The following RARB variants were observed in gnomAD, a reference collection of about 807,000 sequenced individuals.
RARB encodes HBV-activated protein.
In RARB, 17 loss-of-function variants were observed where a neutral mutation model predicts 51.9. The observed-to-expected ratio is 0.33, with a 90% CI of 0.22 to 0.49. The LOEUF is 0.49. Ranked by LOEUF, RARB falls within the 20% of genes least tolerant of loss-of-function variation. The pLI is 0.99. For missense variants in RARB, 369 were observed against 550.8 expected, an observed-to-expected ratio of 0.67 and a Z score of 3.30; for synonymous variants, 215 against 195.4, an observed-to-expected ratio of 1.10 and a Z score of -0.84.
At chr3:25,381,683 C>T (rs1410790948) in intron 5 of RARB, among the ~76,000 whole-genome samples, 2 of 152,126 alleles carry the variant, frequency 1.3e-5, no homozygotes, top group Non-Finnish European at 2.9e-5. Flanking sequence ...GGTCCTAAAG[C>T]CACAATTCTC....
intron 5 of RARB, among the ~76,000 whole-genome samples, chr3:25,332,906 T>G (rs574117238): frequency 1.3e-5 from 2 of 152,292 alleles, no homozygotes; most frequent in African/African-American, 4.8e-5. Context: ...AGCCAAATCA[T>G]GAGTGAACCT....
At chr3:25,241,958 T>A (rs1012340144) in intron 5 of RARB, among the ~76,000 whole-genome samples, 1 of 152,184 alleles carries the variant, frequency 6.6e-6, no homozygotes, top group African/African-American at 2.4e-5. Flanking sequence ...TTTCTCCACA[T>A]CCTCTCCAGC....
intron 5 of RARB, among the ~76,000 whole-genome samples, chr3:25,373,518 A>G (rs920556070): frequency 6.6e-6 from 1 of 152,166 alleles, no homozygotes; most frequent in Non-Finnish European, 1.5e-5. Context: ...AGAATAAACA[A>G]TCTTATTAGT....
At chr3:25,448,393 G>C (rs1709043606) in intron 1 of RARB, among the ~76,000 whole-genome samples, 1 of 146,366 alleles carries the variant, frequency 6.8e-6, no homozygotes, top group Non-Finnish European at 1.5e-5. Context: ...TCACTGCTCT[G>C]AAGGAAAAAA....
intron 2 of RARB, among the ~76,000 whole-genome samples, chr3:24,933,056 G>T (rs1047471786): frequency 3.3e-5 from 5 of 151,878 alleles, no homozygotes; most frequent in Non-Finnish European, 7.4e-5. Context: ...ATGTATAGCT[G>T]TATTTTCATA....
chr3:24,973,313 T>C (rs945138724), intron 2 of RARB, among the ~76,000 whole-genome samples: 21 of 152,088 alleles, frequency 1.4e-4, no homozygotes, highest in African/African-American at 5.1e-4. Flanking sequence ...CTGGATTCTC[T>C]ATTCTGTTCC....
chr3:24,920,104 A>G (rs560974253), intron 2 of RARB, among the ~76,000 whole-genome samples: 1 of 152,372 alleles, frequency 6.6e-6, no homozygotes, highest in African/African-American at 2.4e-5. Flanking sequence ...TTAGTTTTCA[A>G]TAACATTAAC....
At chr3:25,125,046 A>G (rs62230299) in intron 3 of RARB, among the ~76,000 whole-genome samples, 19,711 of 152,266 alleles carry the variant, frequency 0.13, 1,660 homozygotes, top group Non-Finnish European at 0.2. Context: ...TACTAGTAAC[A>G]AAAATCAGAA....
chr3:24,970,321 C>A lies in RARB; in HGVS notation c.-379-89804C>A, dbSNP rs142323095. On this transcript the variant is annotated intron_variant, in intron 2 of 11. Coordinates refer to the RARB transcript ENST00000383772. ...GTATAGCTGTTTGTAGTGGTGAGAA[C>A]TGAAACCACCACGAGTATTTCAGCT... Among the ~76,000 whole-genome samples, 94 of 152,106 alleles carry A rather than the reference C, an allele frequency of 6.2e-4. 1 individual carries two copies. The highest frequency in any genetic ancestry group is 3.4e-3 in the Middle Eastern group (1 of 292).
At chr3:25,085,892 A>T (rs1044596995) in intron 3 of RARB, among the ~76,000 whole-genome samples, 14 of 152,050 alleles carry the variant, frequency 9.2e-5, no homozygotes, top group African/African-American at 3.4e-4. Flanking sequence ...AATAGACCAA[A>T]ATATGTAATG....
chr3:25,311,254 A>G (rs1052406355), intron 5 of RARB, among the ~76,000 whole-genome samples: 1 of 152,226 alleles, frequency 6.6e-6, no homozygotes, highest in African/African-American at 2.4e-5. Context: ...GTATTTGTGA[A>G]AACAGAATGG....
intron 5 of RARB, among the ~76,000 whole-genome samples, chr3:25,422,133 G>C (rs1479443891): frequency 6.6e-6 from 1 of 152,176 alleles, no homozygotes; most frequent in African/African-American, 2.4e-5. Flanking sequence ...CCGACTAACA[G>C]TTTCTGTTCA....
chr3:25,471,585 C>T (rs1299947621), intron 2 of RARB, among the ~76,000 whole-genome samples: 7 of 140,864 alleles, frequency 5.0e-5, no homozygotes, highest in South Asian at 2.4e-4. Flanking sequence ...TGAATTAGCC[C>T]GCAACTCTGC....
intron 2 of RARB, among the ~76,000 whole-genome samples, chr3:24,871,087 G>T (rs1368973691): frequency 1.3e-5 from 2 of 151,866 alleles, no homozygotes; most frequent in Non-Finnish European, 2.9e-5. Flanking sequence ...CATGAGTTCA[G>T]GTTTAATTAT....
At chr3:25,106,157 G>T (rs1699495019) in intron 3 of RARB, among the ~76,000 whole-genome samples, 1 of 152,116 alleles carries the variant, frequency 6.6e-6, no homozygotes, top group South Asian at 2.1e-4. Context: ...AAAAAATGAA[G>T]GCTGTTCCTG....
At chr3:25,045,229 G>C (rs965001905) in intron 2 of RARB, among the ~76,000 whole-genome samples, 1 of 152,118 alleles carries the variant, frequency 6.6e-6, no homozygotes, top group Non-Finnish European at 1.5e-5. Flanking sequence ...TTAAACCTCT[G>C]AGCCAGGAGG....
intron 5 of RARB, among the ~76,000 whole-genome samples, chr3:25,294,596 A>G (rs1450444110): frequency 6.6e-6 from 1 of 152,148 alleles, no homozygotes; most frequent in Non-Finnish European, 1.5e-5. Context: ...GTTGGAGGTT[A>G]AGATCTGGGG....
chr3:25,282,573 C>T (rs1703550999), intron 5 of RARB, among the ~76,000 whole-genome samples: 1 of 152,064 alleles, frequency 6.6e-6, no homozygotes, highest in Non-Finnish European at 1.5e-5. Context: ...GTCTCTTGTT[C>T]ACTGATAAGT....
chr3:25,289,407 T>C (rs322678), intron 5 of RARB, among the ~76,000 whole-genome samples: 68,966 of 152,064 alleles, frequency 0.45, 17,123 homozygotes, highest in African/African-American at 0.65. Flanking sequence ...CACCTCTCAA[T>C]CACAAAGAGT....
Sources: allele counts gnomAD v4.1 joint callset (sites outside exome capture counted in the v4.1 genomes callset), GRCh38; gene constraint gnomAD v4.1.1; transcripts MANE v1.5; gene names NCBI Gene and HGNC (gene_info 2026-07-23, HGNC 2026-07-21).